The following HPSE2 variants were observed in gnomAD, a reference collection of about 807,000 sequenced individuals.
HPSE2 encodes the protein heparanase 2 (inactive), also known as inactive heparanase-2.
HPSE2 carries 38 observed loss-of-function variants against 60.5 expected under a neutral mutation model. The ratio of observed to expected loss-of-function variants is 0.63; its 90% CI spans 0.48 to 0.82. HPSE2 has a LOEUF of 0.82. Ranked by LOEUF, HPSE2 falls within the 40% of genes least tolerant of loss-of-function variation. The pLI is 0.00. For missense variants in HPSE2, 713 were observed against 740.4 expected, an observed-to-expected ratio of 0.96 and a Z score of 0.43; for synonymous variants, 295 against 293.2, an observed-to-expected ratio of 1.01 and a Z score of -0.06.
intron 3 of HPSE2, among the ~76,000 whole-genome samples, chr10:99,008,613 C>T (rs73337529): frequency 0.019 from 2,950 of 152,256 alleles, 109 homozygotes; most frequent in East Asian, 0.16. Context: ...TTCACAGCCC[C>T]ATTTGGAAAA....
At position 99,115,221 on chromosome 10, in the gene HPSE2, C is replaced by T. The variant is rs529365238; in HGVS notation, c.610+29017G>A. On this transcript the variant is annotated intron_variant, in intron 3 of 11. Transcript: ENST00000370552. The stretch of plus-strand genomic sequence containing the variant: ...AGGCTGGAGTGCAGTGGCGCCATCT[C>T]GGCTCACTGCAAGCTCTTGCTTCCC... Among the ~76,000 whole-genome samples the T allele has an allele frequency of 5.4e-3, 808 of 150,034 alleles. 6 individuals carry two copies. The highest frequency in any genetic ancestry group is 0.019 in the African/African-American group (768 of 40,930).
chr10:99,017,822 T>C (rs1432107325), intron 3 of HPSE2, among the ~76,000 whole-genome samples: 1 of 152,196 alleles, frequency 6.6e-6, no homozygotes, highest in Non-Finnish European at 1.5e-5. Flanking sequence ...GACTCTGATA[T>C]ATGCTTTCAA....
At chr10:99,160,977 T>A (rs1302571686) in intron 2 of HPSE2, among the ~76,000 whole-genome samples, 1 of 149,278 alleles carries the variant, frequency 6.7e-6, no homozygotes, top group Admixed American at 6.7e-5. Context: ...TCACTCTGAG[T>A]GGCCAGGGTG....
chr10:98,932,487 A>G (rs895385223), intron 3 of HPSE2, among the ~76,000 whole-genome samples: 5 of 144,236 alleles, frequency 3.5e-5, no homozygotes, highest in African/African-American at 5.6e-5. Context: ...GCCTCATAAA[A>G]TGAGTTAGAG....
chr10:98,692,137 C>G (rs1293328151), intron 6 of HPSE2, among the ~76,000 whole-genome samples: 2 of 151,978 alleles, frequency 1.3e-5, no homozygotes, highest in Non-Finnish European at 2.9e-5. Flanking sequence ...CAGGGAAGGC[C>G]TCTCCAGGAA....
At chr10:99,247,174 A>C in the HPSE2 span, among the ~76,000 whole-genome samples, 3 of 152,230 alleles carry the variant, frequency 2.0e-5, no homozygotes, top group Non-Finnish European at 4.4e-5. Flanking sequence ...AATGCTATAC[A>C]GTTAAGACTC....
intron 3 of HPSE2, among the ~76,000 whole-genome samples, chr10:98,752,864 AAAG>A (rs143274818): frequency 0.012 from 1,824 of 152,340 alleles, 25 homozygotes; most frequent in African/African-American, 0.041. Flanking sequence ...TCAGCCATAA[AAAG>A]AATAAAATCC....
intron 4 of HPSE2, among the ~76,000 whole-genome samples, chr10:98,726,198 T>C (rs1589716649): frequency 6.6e-6 from 1 of 152,080 alleles, no homozygotes; most frequent in East Asian, 1.9e-4. Flanking sequence ...ATGTTTATTG[T>C]GGCACTATTC....
intron 3 of HPSE2, among the ~76,000 whole-genome samples, chr10:98,767,200 CA>C (rs1950139482): frequency 6.6e-6 from 1 of 151,850 alleles, no homozygotes. Context: ...CACTTGTGTA[CA>C]AGGAGACAAG....
rs1178314505 is a variant in HPSE2, at chr10:98,740,141, AT to A, written c.784+3741del. 4.5e-3 allele frequency among the ~76,000 whole-genome samples: 665 copies of A among 148,516 alleles called. 5 individuals carry two copies. Among genetic ancestry groups the A allele is most frequent in the African/African-American group, 0.015 (601 of 40,440 alleles). Reference sequence around the variant, plus strand: ...AAAAAAGTATGGTGTCAAGAAAGTCATTTTTTTTTGTTTTGCTTTTGATTTT... The same window carrying A: ...AAAAAAGTATGGTGTCAAGAAAGTCATTTTTTTTGTTTTGCTTTTGATTTT... On this transcript the variant is annotated intron_variant, in intron 4 of 11. Coordinates refer to ENST00000370552, the MANE Select transcript of HPSE2 (RefSeq NM_021828.5).
At chr10:99,312,351 T>C in the HPSE2 span, among the ~76,000 whole-genome samples, 26 of 152,352 alleles carry the variant, frequency 1.7e-4, no homozygotes, top group African/African-American at 6.0e-4. Flanking sequence ...AGGCTGACTC[T>C]CTTGTTAAGG....
intron 3 of HPSE2, among the ~76,000 whole-genome samples, chr10:99,011,543 G>A (rs1393408783): frequency 6.6e-6 from 1 of 151,854 alleles, no homozygotes; most frequent in Non-Finnish European, 1.5e-5. Flanking sequence ...AGATCACGAC[G>A]TCAAGAGATA....
intron 9 of HPSE2, among the ~76,000 whole-genome samples, chr10:98,599,479 C>T (rs535838688): frequency 3.5e-4 from 54 of 152,254 alleles, no homozygotes; most frequent in Admixed American, 3.5e-3. Context: ...GGGGCTGTGA[C>T]GTCTTGACTG....
chr10:98,611,701 G>T lies in HPSE2; in HGVS notation c.1320+3203C>A, dbSNP rs80144299. 3.8e-3 allele frequency among the ~76,000 whole-genome samples: 582 copies of T among 152,272 alleles called. 1 individual carries two copies. The highest frequency in any genetic ancestry group is 7.1e-3 in the Admixed American group (109 of 15,292). ...CTAGCCTTGTAAATTCCTTCCAGGG[G>T]AGACTTAGGACACACTCTCCCAGCT... On this transcript the variant is annotated intron_variant, in intron 9 of 11. Transcript: ENST00000370552.
At chr10:99,222,996 G>A (rs1250262946) in intron 2 of HPSE2, among the ~76,000 whole-genome samples, 1 of 152,114 alleles carries the variant, frequency 6.6e-6, no homozygotes, top group Non-Finnish European at 1.5e-5. Context: ...ATAGGACAAT[G>A]CATGATTCAA....
At chr10:98,889,856 C>T (rs1186478965) in intron 3 of HPSE2, among the ~76,000 whole-genome samples, 1 of 152,092 alleles carries the variant, frequency 6.6e-6, no homozygotes, top group Admixed American at 6.5e-5. Context: ...GGATGCATAA[C>T]CCTTTCTAAG....
intron 3 of HPSE2, among the ~76,000 whole-genome samples, chr10:99,103,248 A>C (rs370413621): frequency 1.8e-4 from 28 of 152,246 alleles, no homozygotes; most frequent in East Asian, 1.5e-3. Flanking sequence ...TGTCTCAGCC[A>C]AAAATCTCCT....
chr10:98,942,237 A>C (rs1343140531), intron 3 of HPSE2, among the ~76,000 whole-genome samples: 1 of 142,172 alleles, frequency 7.0e-6, no homozygotes, highest in African/African-American at 2.9e-5. Flanking sequence ...AATGGGATCT[A>C]ATTAAACTCA....
chr10:98,949,595 T>C (rs1220603099), intron 3 of HPSE2, among the ~76,000 whole-genome samples: 1 of 152,184 alleles, frequency 6.6e-6, no homozygotes, highest in Non-Finnish European at 1.5e-5. Context: ...TTCCTGAGCC[T>C]CAATTGCACC....
Sources: allele counts gnomAD v4.1 joint callset (sites outside exome capture counted in the v4.1 genomes callset), GRCh38; gene constraint gnomAD v4.1.1; transcripts MANE v1.5; gene names NCBI Gene and HGNC (gene_info 2026-07-23, HGNC 2026-07-21).